PDE3A: variants seen among roughly 807,000 people sequenced by gnomAD.
The protein encoded by PDE3A is cGMP-inhibited 3',5'-cyclic phosphodiesterase 3A.
PDE3A carries 43 observed loss-of-function variants against 98.3 expected under a neutral mutation model. The ratio of observed to expected loss-of-function variants is 0.44; its 90% CI spans 0.34 to 0.56. The LOEUF (loss-of-function observed/expected upper bound fraction) is 0.56, where lower values mean the gene tolerates loss of function less well. PDE3A is among the 20% of genes least tolerant of loss of function. The probability of loss-of-function intolerance (pLI) is 0.01; values close to 1 mark genes in which losing one functional copy is unlikely to be tolerated. For missense variants in PDE3A, 1,427 were observed against 1,440.7 expected, an observed-to-expected ratio of 0.99 and a Z score of 0.15; for synonymous variants, 663 against 567.9, an observed-to-expected ratio of 1.17 and a Z score of -2.38.
At chr12:20,446,667 A>T (rs894187021) in intron 1 of PDE3A, among the ~76,000 whole-genome samples, 3 of 152,196 alleles carry the variant, frequency 2.0e-5, no homozygotes, top group Non-Finnish European at 4.4e-5. Context: ...ATTCCAGTTA[A>T]CAATAGGTAA....
At chr12:20,593,233 G>T (rs1030832563) in intron 2 of PDE3A, among the ~76,000 whole-genome samples, 1 of 152,156 alleles carries the variant, frequency 6.6e-6, no homozygotes, top group African/African-American at 2.4e-5. Flanking sequence ...CAAAGCATAG[G>T]GTTGTGGCAT....
chr12:20,684,569 A>C lies in PDE3A; in HGVS notation c.*4298A>C, dbSNP rs1945899846. 6.6e-6 allele frequency among the ~76,000 whole-genome samples: 1 copy of C among 152,210 alleles called. No individual in the cohort carries two copies. The highest frequency in any genetic ancestry group is 6.5e-5 in the Admixed American group (1 of 15,284). On this transcript the variant is annotated 3_prime_UTR_variant, in exon 16 of 16. Transcript: ENST00000359062. ...TTTGAAGCCAAACTGAGTTTATTTC[A>C]TTGATCGAACAAGCAGCAACACATT...
chr12:20,585,888 G>A (rs577436502), intron 2 of PDE3A, among the ~76,000 whole-genome samples: 1 of 152,084 alleles, frequency 6.6e-6, no homozygotes, highest in East Asian at 1.9e-4. Flanking sequence ...GACATATACT[G>A]AACACTCAAT....
At chr12:20,419,004 A>G (rs2120745055) in intron 1 of PDE3A, among the ~76,000 whole-genome samples, 1 of 152,262 alleles carries the variant, frequency 6.6e-6, no homozygotes, top group Non-Finnish European at 1.5e-5. Context: ...ACTGAAGTGC[A>G]TATTTTAGTA....
In PDE3A at chr12:20,650,474, C is replaced by G. The variant is rs1244112372; in HGVS notation, c.2799C>G (p.Thr933=). Residue 933 remains threonine, a synonymous_variant, in exon 14 of 16, where the codon ACC becomes ACG. Coordinates refer to ENST00000359062, the MANE Select transcript of PDE3A (RefSeq NM_000921.5). ...ATGATGATGTTGGAATAGATTGGAC[C>G]AATGAAAATGATCGTCTACTGGTTT... ...KVNDDVGIDW[T]NENDRLLVCQ... 1.2e-6 allele frequency: 2 copies of G among 1,609,114 alleles called. No homozygotes were observed. Among genetic ancestry groups the G allele is most frequent in the Admixed American group, 3.3e-5 (2 of 59,928 alleles).
At chr12:20,625,773 A>C (rs4359258) in intron 5 of PDE3A, among the ~76,000 whole-genome samples, 17,701 of 152,212 alleles carry the variant, frequency 0.12, 1,098 homozygotes, top group East Asian at 0.2. Flanking sequence ...AGGAACAAGG[A>C]ATTAAAGGCC....
chr12:20,386,059 TAAATATATATA>T (rs1943766280), intron 1 of PDE3A, among the ~76,000 whole-genome samples: 1 of 87,560 alleles, frequency 1.1e-5, no homozygotes, highest in African/African-American at 5.0e-5. Context: ...TAAATATATA[TAAATATATATA>T]AAATATATAT....
At chr12:20,625,557 A>C (rs1944242589) in intron 5 of PDE3A, among the ~76,000 whole-genome samples, 1 of 152,180 alleles carries the variant, frequency 6.6e-6, no homozygotes, top group Admixed American at 6.5e-5. Context: ...TATTCGGGCT[A>C]TCCATTTTCA....
intron 1 of PDE3A, among the ~76,000 whole-genome samples, chr12:20,403,090 G>A (rs538524829): frequency 6.6e-6 from 1 of 152,158 alleles, no homozygotes; most frequent in East Asian, 1.9e-4. Context: ...TGTTACATTG[G>A]TAACCAAATT....
intron 5 of PDE3A, 28 bp downstream of exon 5, chr12:20,621,439 A>C (rs1055355718): frequency 8.5e-7 from 1 of 1,172,100 alleles, no homozygotes; most frequent in Non-Finnish European, 1.3e-6. Context: ...AGAAGGGTTC[A>C]TACTGTGAGT....
At chr12:20,666,102 G>A (rs1945303746) in intron 15 of PDE3A, among the ~76,000 whole-genome samples, 1 of 151,506 alleles carries the variant, frequency 6.6e-6, no homozygotes, top group South Asian at 2.1e-4. Context: ...CAAGTAGCTA[G>A]GACAGGCATA....
chr12:20,466,453 G>A (rs1945340918), intron 1 of PDE3A, among the ~76,000 whole-genome samples: 1 of 152,072 alleles, frequency 6.6e-6, no homozygotes, highest in South Asian at 2.1e-4. Flanking sequence ...CCATTCAGTA[G>A]ACCATCTAAC....
At chr12:20,379,854 G>A (rs1046569709) in intron 1 of PDE3A, among the ~76,000 whole-genome samples, 8 of 151,508 alleles carry the variant, frequency 5.3e-5, no homozygotes, top group Non-Finnish European at 1.2e-4. Context: ...TGCCCTTACT[G>A]GTAGGAAATC....
At position 20,481,764 on chromosome 12, in the gene PDE3A, A is replaced by ATTTTTT. The variant is rs10657239; in HGVS notation, c.961-74879_961-74874dup. On this transcript the variant is annotated intron_variant, in intron 1 of 15. Coordinates refer to ENST00000359062, the MANE Select transcript of PDE3A (RefSeq NM_000921.5). The stretch of plus-strand genomic sequence containing the variant: ...TCCATGTAAGTGACTTGGGAAATAG[A>ATTTTTT]TTTTTTTTTTTTTTTTTTTTTTGAG... Among the ~76,000 whole-genome samples, 754 of 79,512 alleles carry ATTTTTT rather than the reference A, an allele frequency of 9.5e-3. 141 individuals carry two copies. Among genetic ancestry groups the ATTTTTT allele is most frequent in the African/African-American group, 0.024 (461 of 19,246 alleles). The allele number at this position is 79,512 out of a possible 152,430, so 52.2% of individuals were successfully genotyped here. A position where few individuals can be genotyped will look rare whatever the true frequency, so the allele number is the denominator to read the frequency against.
intron 2 of PDE3A, among the ~76,000 whole-genome samples, chr12:20,557,902 G>T (rs1942410592): frequency 6.6e-6 from 1 of 151,962 alleles, no homozygotes; most frequent in South Asian, 2.1e-4. Context: ...ATCAAAATTT[G>T]CTGCAAGGTC....
intron 2 of PDE3A, among the ~76,000 whole-genome samples, chr12:20,566,723 A>T (rs1200379740): frequency 1.3e-5 from 2 of 151,928 alleles, no homozygotes; most frequent in East Asian, 3.9e-4. Flanking sequence ...GAAAATATAG[A>T]AAAGACCATC....
intron 1 of PDE3A, among the ~76,000 whole-genome samples, chr12:20,471,456 C>T (rs1027215265): frequency 3.9e-5 from 6 of 152,138 alleles, no homozygotes; most frequent in Non-Finnish European, 4.4e-5. Context: ...GAATTTATCC[C>T]TTTTCCTCTG....
intron 1 of PDE3A, among the ~76,000 whole-genome samples, chr12:20,520,813 T>C (rs1240982447): frequency 6.6e-6 from 1 of 152,150 alleles, no homozygotes; most frequent in Non-Finnish European, 1.5e-5. Context: ...CCAAGTGTTG[T>C]TCTGAGAAAT....
chr12:20,561,497 G>A (rs957935906), intron 2 of PDE3A, among the ~76,000 whole-genome samples: 1 of 152,132 alleles, frequency 6.6e-6, no homozygotes, highest in African/African-American at 2.4e-5. Flanking sequence ...ATGTGAGTGT[G>A]CTAGCCTGCA....
Sources: gnomAD v4.1 joint callset for allele counts (sites outside exome capture counted in the v4.1 genomes callset) on GRCh38, gnomAD v4.1.1 for gene constraint, MANE v1.5 for transcripts, NCBI Gene and HGNC (gene_info 2026-07-23, HGNC 2026-07-21) for gene names.